The following MAP4K3 variants were observed in gnomAD, a reference collection of about 807,000 sequenced individuals.
The protein encoded by MAP4K3 is mitogen-activated protein kinase kinase kinase kinase 3.
A neutral mutation model predicts 143.5 loss-of-function variants in MAP4K3; 94 were observed. That is an observed-to-expected ratio of 0.65 (90% CI 0.55 to 0.78). The LOEUF (loss-of-function observed/expected upper bound fraction) is 0.78. Ranked by LOEUF, MAP4K3 falls within the 30% of genes least tolerant of loss-of-function variation. The pLI is 0.00. For synonymous variants in MAP4K3, 416 were observed against 347.2 expected (o/e 1.20, Z -2.20); for missense variants, 1,077 against 1,068.1 (o/e 1.01, Z -0.12).
intron 8 of MAP4K3, among the ~76,000 whole-genome samples, chr2:39,331,222 T>C (rs1023675451): frequency 6.6e-6 from 1 of 152,094 alleles, no homozygotes; most frequent in African/African-American, 2.4e-5. Flanking sequence ...TGCTGTTACT[T>C]CAAAGTAATG....
chr2:39,416,538 G>A (rs75399207), intron 1 of MAP4K3, among the ~76,000 whole-genome samples: 1 of 152,162 alleles, frequency 6.6e-6, no homozygotes, highest in Non-Finnish European at 1.5e-5. Flanking sequence ...TATTCCAGAA[G>A]ATTTTTAAAA....
At chr2:39,274,667 G>A (rs943197529) in intron 24 of MAP4K3, among the ~76,000 whole-genome samples, 5 of 152,118 alleles carry the variant, frequency 3.3e-5, no homozygotes, top group African/African-American at 1.2e-4. Flanking sequence ...TCTATATTCT[G>A]CCTAGACTCA....
At chr2:39,267,120 T>C (rs1680798184) in intron 27 of MAP4K3, 69 bp downstream of exon 27, 4 of 1,393,018 alleles carry the variant, frequency 2.9e-6, no homozygotes, top group Non-Finnish European at 3.1e-6. Context: ...TGCCCTGGGG[T>C]AGTACTGTTT....
chr2:39,328,865 T>C (rs192534615), intron 8 of MAP4K3, among the ~76,000 whole-genome samples: 91 of 152,312 alleles, frequency 6.0e-4, no homozygotes, highest in Admixed American at 9.8e-4. Flanking sequence ...AATGTACATA[T>C]ATGTCTTAAA....
At chr2:39,290,425 A>T in intron 18 of MAP4K3, 91 bp from the exon 19 acceptor site, 1 of 774,614 alleles carries the variant, frequency 1.3e-6, no homozygotes, top group Non-Finnish European at 2.1e-6. Flanking sequence ...CACATAAAAA[A>T]GCTGCAAAGA....
chr2:39,398,713 A>AAAT (rs60507971), intron 1 of MAP4K3, among the ~76,000 whole-genome samples: 14,675 of 140,098 alleles, frequency 0.1, 886 homozygotes, highest in Non-Finnish European at 0.13. Context: ...GGAATAATTA[A>AAAT]AATAATAATA....
Position 39,252,034 on chromosome 2 carries a change from A to G in MAP4K3, c.2542-149T>C, listed in dbSNP as rs1237657454. On this transcript the variant is annotated intron_variant, in intron 32 of 33. Transcript: ENST00000263881. Reference sequence around the variant, plus strand: ...ACTGTTTGTTAAAGTCAGCATGTAGATACATCAATTTGTTAGTCGAGGGGA... The same window carrying G: ...ACTGTTTGTTAAAGTCAGCATGTAGGTACATCAATTTGTTAGTCGAGGGGA... 8 of 622,492 alleles carry G rather than the reference A, an allele frequency of 1.3e-5. No homozygotes were observed. The East Asian group carries it at 1.9e-4, about 15-fold the overall frequency. The allele number at this position is 622,492 out of a possible 1,614,324, so 38.6% of individuals were successfully genotyped here.
chr2:39,352,760 T>C (rs1177583088), intron 3 of MAP4K3, among the ~76,000 whole-genome samples: 3 of 152,314 alleles, frequency 2.0e-5, no homozygotes, highest in Non-Finnish European at 1.5e-5. Flanking sequence ...AATGGACTTC[T>C]GAAACTTAAT....
intron 21 of MAP4K3, among the ~76,000 whole-genome samples, chr2:39,284,771 AAGGTGG>A (rs1343057539): frequency 3.3e-5 from 5 of 151,852 alleles, no homozygotes; most frequent in African/African-American, 1.2e-4. Flanking sequence ...TTGAACCCAG[AAGGTGG>A]AGGTTGCAGT....
At chr2:39,401,935 T>A (rs927938910) in intron 1 of MAP4K3, among the ~76,000 whole-genome samples, 1 of 152,024 alleles carries the variant, frequency 6.6e-6, no homozygotes, top group Non-Finnish European at 1.5e-5. Context: ...TGAAATACAA[T>A]AGAAATTAAT....
At chr2:39,350,790 C>T (rs1665432177) in intron 3 of MAP4K3, among the ~76,000 whole-genome samples, 1 of 152,100 alleles carries the variant, frequency 6.6e-6, no homozygotes, top group Admixed American at 6.6e-5. Flanking sequence ...TATGCTCAGT[C>T]CCTTAGGTCC....
chr2:39,375,148 A>G (rs143693069), intron 2 of MAP4K3, among the ~76,000 whole-genome samples: 4 of 152,284 alleles, frequency 2.6e-5, no homozygotes, highest in African/African-American at 9.6e-5. Context: ...AGTCCTAGCT[A>G]CTTGGGAGAC....
chr2:39,434,492 T>C (rs976033912), intron 1 of MAP4K3, among the ~76,000 whole-genome samples: 1 of 152,132 alleles, frequency 6.6e-6, no homozygotes, highest in Non-Finnish European at 1.5e-5. Context: ...CAGTGAGACC[T>C]TGTGGCACAG....
intron 32 of MAP4K3, 77 bp downstream of exon 32, chr2:39,254,373 T>C: frequency 2.6e-6 from 3 of 1,142,558 alleles, no homozygotes; most frequent in East Asian, 2.3e-5. Context: ...GCATTACTTG[T>C]ATCATTTAGG....
chr2:39,436,009 G>T (rs764535046), intron 1 of MAP4K3, among the ~76,000 whole-genome samples: 1 of 152,184 alleles, frequency 6.6e-6, no homozygotes, highest in Non-Finnish European at 1.5e-5. Flanking sequence ...GAAACTGGAG[G>T]AGTTCAACTT....
At chr2:39,265,947 T>TA (rs1383029006) in intron 27 of MAP4K3, among the ~76,000 whole-genome samples, 4 of 152,002 alleles carry the variant, frequency 2.6e-5, no homozygotes, top group South Asian at 2.1e-4. Flanking sequence ...GGAATAAAGA[T>TA]AAAAAAACTG....
intron 8 of MAP4K3, among the ~76,000 whole-genome samples, chr2:39,329,505 C>T (rs1281879571): frequency 6.6e-6 from 1 of 152,064 alleles, no homozygotes; most frequent in African/African-American, 2.4e-5. Flanking sequence ...CCTCAAATAC[C>T]CTGGAAATGT....
Position 39,364,812 on chromosome 2 carries a change from G to A in MAP4K3, c.155-8473C>T, listed in dbSNP as rs1573202221. Among the ~76,000 whole-genome samples the A allele has an allele frequency of 2.7e-5, 4 of 148,880 alleles. No homozygotes were observed. The Admixed American group carries it at 2.7e-4, about 10-fold the overall frequency. ...AAACCCAGGAGGCAGAGCTTGCAGT[G>A]AGCCAGGATGGTGCCCCTGCACCAG... On this transcript the variant is annotated intron_variant, in intron 2 of 33. Transcript: ENST00000263881.
intron 1 of MAP4K3, among the ~76,000 whole-genome samples, chr2:39,399,341 C>G (rs763982957): frequency 2.6e-5 from 4 of 152,180 alleles, no homozygotes; most frequent in Non-Finnish European, 5.9e-5. Flanking sequence ...CAGTGCAGGT[C>G]AGGCTAGGAT....
Sources: allele counts gnomAD v4.1 joint callset (sites outside exome capture counted in the v4.1 genomes callset), GRCh38; gene constraint gnomAD v4.1.1; transcripts MANE v1.5; gene names NCBI Gene and HGNC (gene_info 2026-07-23, HGNC 2026-07-21).